The following SETX variants were observed in gnomAD, a reference collection of about 807,000 sequenced individuals.
SETX encodes helicase senataxin.
SETX carries 90 observed loss-of-function variants against 227.2 expected under a neutral mutation model. The observed-to-expected ratio is 0.40, with a 90% CI of 0.33 to 0.47. SETX has a LOEUF of 0.47. SETX is among the 20% of genes least tolerant of loss of function. SETX has a pLI of 0.91. For synonymous variants in SETX, 1,210 were observed against 1,113.2 expected, an observed-to-expected ratio of 1.09 and a Z score of -1.73; for missense variants, 3,052 against 3,181.5, an observed-to-expected ratio of 0.96 and a Z score of 0.98.
intron 15 of SETX, among the ~76,000 whole-genome samples, chr9:132,289,438 A>G (rs1345123648): frequency 6.6e-6 from 1 of 152,036 alleles, no homozygotes; most frequent in Non-Finnish European, 1.5e-5. Context: ...CATAGCTTGG[A>G]GCCTTTGCAG....
intron 14 of SETX, among the ~76,000 whole-genome samples, chr9:132,296,325 G>A (rs1844665794): frequency 6.6e-6 from 1 of 152,148 alleles, no homozygotes; most frequent in South Asian, 2.1e-4. Flanking sequence ...GGCCGAGGCG[G>A]GCGGATCACT....
chr9:132,286,463 A>G lies in SETX; in HGVS notation c.6356T>C (p.Val2119Ala), dbSNP rs781741533. 74 of 1,613,622 alleles carry G rather than the reference A, an allele frequency of 4.6e-5. No individual in the cohort carries two copies. The highest frequency in any genetic ancestry group is 5.9e-5 in the Non-Finnish European group (70 of 1,179,808). ...AGCAAGTTCCTGCCTTTCCTTAGAA[A>G]CTTTGGAAATGTTTTCATCTAATTC... is the stretch of plus-strand genomic sequence containing the variant. ...RQELDENISK[V>A]SKERQELASK... The change falls in exon 18 of 26, where the codon GTT becomes GCT. Residue 2119 changes from valine to alanine, a missense_variant. This residue lies in a region of SETX where 412 missense variants were observed against 589.0 expected (regional missense o/e 0.70). Coordinates refer to ENST00000224140, the MANE Select transcript of SETX (RefSeq NM_015046.7).
rs560821441 is a variant in SETX at position 132,330,516 on chromosome 9, G to A, written c.1099-17C>T. ...TCCAGAATCCTAAAATGAAAGAAATGCTGATGTTCAGATAAATAAGCACCA... is the reference window on the plus strand; with the variant it reads ...TCCAGAATCCTAAAATGAAAGAAATACTGATGTTCAGATAAATAAGCACCA... On this transcript the variant is annotated splice_polypyrimidine_tract_variant and intron_variant, in intron 9 of 25. Coordinates refer to ENST00000224140, the MANE Select transcript of SETX (RefSeq NM_015046.7). 8.7e-6 allele frequency: 14 copies of A among 1,604,786 alleles called. No individual in the cohort carries two copies. In the East Asian group the frequency reaches 2.5e-4, roughly 28 times the overall value.
rs969060686 is a variant in SETX at position 132,328,640 on chromosome 9, C to G, written c.2958G>C (p.Gln986His). 1 of 1,613,132 alleles carries G rather than the reference C, an allele frequency of 6.2e-7. No individual in the cohort carries two copies. The change falls in exon 10 of 26, where the codon CAG becomes CAC. Residue 986 changes from glutamine (Q) to histidine (H), a missense_variant. Physicochemically the swap from Gln to His is conservative, Grantham distance 24. Transcript: ENST00000224140. The part of the protein sequence containing the change: ...FPSDSPQNSS[Q>H]LQRKVKEDKR... ...TATCTTCTTTTACTTTCCTTTGCAGCTGCGATGAGTTCTGAGGTGAATCGG... is the reference window on the plus strand; with the variant it reads ...TATCTTCTTTTACTTTCCTTTGCAGGTGCGATGAGTTCTGAGGTGAATCGG...
rs144712220 is a variant in SETX, at chr9:132,316,492, CTTT to C, written c.5275-4639_5275-4637del. Among the ~76,000 whole-genome samples the C allele has an allele frequency of 1.3e-3, 201 of 152,252 alleles. 1 individual carries two copies. The highest frequency in any genetic ancestry group is 4.6e-3 in the African/African-American group (190 of 41,552). ...CATTAATCCATTAATGTGGCTAATGCTTTTTATGTTTTTATGATTACCTTCATC... is the reference window on the plus strand; with the variant it reads ...CATTAATCCATTAATGTGGCTAATGCTTATGTTTTTATGATTACCTTCATC... On this transcript the variant is annotated intron_variant, in intron 10 of 25. Coordinates refer to ENST00000224140, the MANE Select transcript of SETX (RefSeq NM_015046.7).
At chr9:132,283,209 T>TA in intron 19 of SETX, 55 bp downstream of exon 19, 1 of 1,605,800 alleles carries the variant, frequency 6.2e-7, no homozygotes, top group Non-Finnish European at 8.5e-7. Context: ...ACAATTCATC[T>TA]AAGACTTACT....
At chr9:132,330,980 C>T (rs894539790) in intron 9 of SETX, 72 bp downstream of exon 9, 12 of 1,235,342 alleles carry the variant, frequency 9.7e-6, no homozygotes, top group East Asian at 2.3e-5. Context: ...TGCAACTCAA[C>T]AAATTATACA....
chr9:132,296,741 T>C (rs1844694374), intron 14 of SETX, 146 bp downstream of exon 14: 1 of 757,900 alleles, frequency 1.3e-6, no homozygotes, highest in South Asian at 1.8e-5. Context: ...GCCACCCTTT[T>C]CTCTGACACA....
rs114734765 is a variant in SETX at position 132,345,995 on chromosome 9, G to A, written c.388+266C>T. Among the ~76,000 whole-genome samples, 643 of 152,216 alleles carry A rather than the reference G, an allele frequency of 4.2e-3. 4 individuals are homozygous for A. Among genetic ancestry groups the A allele is most frequent in the African/African-American group, 0.015 (617 of 41,518 alleles). ...GACTGCGCCACTGCACTTCGGCCTA[G>A]GAGACACAGCAAGACCCTGTCTCTA... On this transcript the variant is annotated intron_variant, in intron 4 of 25. Transcript: ENST00000224140.
intron 13 of SETX, 124 bp downstream of exon 13, chr9:132,297,956 A>G: frequency 2.4e-6 from 2 of 816,474 alleles, no homozygotes; most frequent in African/African-American, 1.7e-5. Context: ...AAAGAAAACT[A>G]ACACTAAACT....
At chr9:132,314,906 GTTTTT>G (rs559979271) in intron 10 of SETX, among the ~76,000 whole-genome samples, 10,317 of 88,356 alleles carry the variant, frequency 0.12, 354 homozygotes, top group East Asian at 0.37. Context: ...ATTTTATTGT[GTTTTT>G]TTTTTTTTTT....
At chr9:132,355,989 G>GAAA (rs1213549776), upstream of SETX, among the ~76,000 whole-genome samples, 129 of 85,124 alleles carry the variant, frequency 1.5e-3, 2 homozygotes, top group East Asian at 3.1e-3. Context: ...TCTCTCTCCG[G>GAAA]AAAAAAAAAA....
intron 11 of SETX, among the ~76,000 whole-genome samples, chr9:132,309,677 T>C (rs729842): frequency 0.32 from 48,085 of 151,336 alleles, 10,986 homozygotes; most frequent in East Asian, 0.67. Flanking sequence ...CCCATCTCTA[T>C]ATTTAAGAAA....
At chr9:132,321,654 C>A (rs75746333) in intron 10 of SETX, among the ~76,000 whole-genome samples, 161 of 51,366 alleles carry the variant, frequency 3.1e-3, no homozygotes, top group East Asian at 0.016. Context: ...GATACTGTCT[C>A]AAAAAAAAAA....
At chr9:132,333,399 A>AT (rs1564551164) in intron 7 of SETX, among the ~76,000 whole-genome samples, 229 of 17,050 alleles carry the variant, frequency 0.013, 11 homozygotes, top group African/African-American at 0.082. Flanking sequence ...AAAAAAAAAG[A>AT]AAAAAAAAAA....
chr9:132,272,408 CA>C lies in SETX; in HGVS notation c.7101-601del, dbSNP rs1329183168. ...AAGCAATCCTTCCACCTCACCCACCCAAAATGTTAGGATTATAGATGTGAGC... is the reference window on the plus strand; with the variant it reads ...AAGCAATCCTTCCACCTCACCCACCCAAATGTTAGGATTATAGATGTGAGC... On this transcript the variant is annotated intron_variant, in intron 23 of 25. Transcript: ENST00000224140. Among the ~76,000 whole-genome samples, 4 of 152,002 alleles carry C rather than the reference CA, an allele frequency of 2.6e-5. No homozygotes were observed. In the Middle Eastern group the frequency reaches 0.01, roughly 390 times the overall value.
intron 7 of SETX, among the ~76,000 whole-genome samples, chr9:132,333,552 A>G (rs1847402026): frequency 6.6e-6 from 1 of 151,744 alleles, no homozygotes; most frequent in Non-Finnish European, 1.5e-5. Flanking sequence ...GAAGAGAATG[A>G]GGGGAAAAAA....
At chr9:132,342,889 A>G (rs758981979) in intron 4 of SETX, 90 bp from the exon 5 acceptor site, 20 of 987,250 alleles carry the variant, frequency 2.0e-5, no homozygotes, top group African/African-American at 4.9e-5. Context: ...CTGTAAATAA[A>G]TAAAAATTTG....
chr9:132,353,105 C>A lies in SETX; in HGVS notation c.-8+544G>T, dbSNP rs149175797. On this transcript the variant is annotated intron_variant, in intron 2 of 25. Coordinates refer to ENST00000224140, the MANE Select transcript of SETX (RefSeq NM_015046.7). ...TGCTGCCAGAGGCCAAAGCCCCAAA[C>A]TGGACTTCGAAAGCACAAATGACTC... 1.2e-3 allele frequency among the ~76,000 whole-genome samples: 179 copies of A among 152,310 alleles called. 1 individual carries two copies. The highest frequency in any genetic ancestry group is 2.5e-3 in the East Asian group (13 of 5,194).
Sources: allele counts gnomAD v4.1 joint callset (sites outside exome capture counted in the v4.1 genomes callset), GRCh38; gene constraint gnomAD v4.1.1; regional missense constraint gnomAD v4.1.1; transcripts MANE v1.5; gene names NCBI Gene and HGNC (gene_info 2026-07-23, HGNC 2026-07-21).